NSMAF: variants seen among roughly 807,000 people sequenced by gnomAD.
NSMAF encodes neutral sphingomyelinase activation associated factor, also known as protein FAN.
In NSMAF, 90 loss-of-function variants were observed where a neutral mutation model predicts 134.9. The ratio of observed to expected loss-of-function variants is 0.67; its 90% CI spans 0.56 to 0.79. The LOEUF is 0.79. Among genes scored for constraint, NSMAF ranks in the 30% least tolerant of loss-of-function variants. The pLI is 0.00. For missense variants in NSMAF, 1,010 were observed against 1,119.0 expected (o/e 0.90, Z 1.39); for synonymous variants, 358 against 389.6 (o/e 0.92, Z 0.96).
At chr8:58,587,768 C>A (rs913462667) in intron 26 of NSMAF, 67 bp from the exon 27 acceptor site, 2 of 1,333,588 alleles carry the variant, frequency 1.5e-6, no homozygotes, top group South Asian at 2.5e-5. Context: ...CTAGTGCATT[C>A]AAGAAAAACT....
intron 9 of NSMAF, among the ~76,000 whole-genome samples, chr8:58,614,233 C>G (rs1806602705): frequency 6.6e-6 from 1 of 152,182 alleles, no homozygotes; most frequent in African/African-American, 2.4e-5. Flanking sequence ...AAGCACAGCC[C>G]AGACCTAGGA....
At chr8:58,602,828 T>G (rs558068014) in intron 13 of NSMAF, among the ~76,000 whole-genome samples, 2 of 152,358 alleles carry the variant, frequency 1.3e-5, no homozygotes, top group African/African-American at 4.8e-5. Flanking sequence ...TTTCCAAGTG[T>G]TCTATAACAA....
At chr8:58,635,657 T>C in intron 2 of NSMAF, 111 bp from the exon 3 acceptor site, 1 of 660,002 alleles carries the variant, frequency 1.5e-6, no homozygotes, top group East Asian at 2.6e-5. Context: ...TAATAAAAGA[T>C]CAATAATGCA....
intron 5 of NSMAF, among the ~76,000 whole-genome samples, chr8:58,634,509 T>G (rs1325067508): frequency 1.3e-5 from 2 of 152,142 alleles, no homozygotes; most frequent in Non-Finnish European, 2.9e-5. Context: ...ACAATTCTTC[T>G]CTGAACACTT....
rs1160735799 is a variant in NSMAF at position 58,594,306 on chromosome 8, G to A, written c.1893-16C>T. The A allele has an allele frequency of 6.2e-7, 1 of 1,611,118 alleles. No individual in the cohort carries two copies. The highest frequency in any genetic ancestry group is 1.7e-5 in the Admixed American group (1 of 59,992). ...AGTAACTGCTCTGCTCAAAAACAAA[G>A]TTTCACAAATTACTACTCATCATGT... is the stretch of plus-strand genomic sequence containing the variant. On this transcript the variant is annotated splice_polypyrimidine_tract_variant and intron_variant, in intron 22 of 30. Coordinates refer to ENST00000038176, the MANE Select transcript of NSMAF (RefSeq NM_003580.4).
At chr8:58,636,679 C>G (rs901090586) in intron 2 of NSMAF, among the ~76,000 whole-genome samples, 1 of 152,182 alleles carries the variant, frequency 6.6e-6, no homozygotes, top group African/African-American at 2.4e-5. Context: ...ATAGGGAAAG[C>G]AGCCACACAC....
chr8:58,642,123 C>A (rs908956758), intron 2 of NSMAF, among the ~76,000 whole-genome samples: 1 of 152,156 alleles, frequency 6.6e-6, no homozygotes, highest in African/African-American at 2.4e-5. Context: ...ACAAAAAAAC[C>A]AAGTGAGTTT....
intron 5 of NSMAF, among the ~76,000 whole-genome samples, chr8:58,633,672 T>C (rs968300011): frequency 6.6e-6 from 1 of 152,198 alleles, no homozygotes; most frequent in South Asian, 2.1e-4. Context: ...GTTATTCATA[T>C]AAACATGCAC....
rs532254325 is a variant in NSMAF at position 58,620,016 on chromosome 8, C to T, written c.557+3204G>A. On this transcript the variant is annotated intron_variant, in intron 9 of 30. Coordinates refer to ENST00000038176, the MANE Select transcript of NSMAF (RefSeq NM_003580.4). ...GTGGTACCAGAGACAAAGATACAGA[C>T]GAATCGCCTAAATCTCCTTGATATA... 3.9e-4 allele frequency among the ~76,000 whole-genome samples: 60 copies of T among 152,210 alleles called. No individual in the cohort carries two copies. The South Asian group carries it at 5.0e-3, about 13-fold the overall frequency.
At chr8:58,625,581 T>A (rs1319446039) in intron 6 of NSMAF, among the ~76,000 whole-genome samples, 1 of 152,218 alleles carries the variant, frequency 6.6e-6, no homozygotes, top group Non-Finnish European at 1.5e-5. Context: ...AAGCCTATCT[T>A]GTCTGATATA....
rs946146049 is a variant in NSMAF at position 58,588,594 on chromosome 8, G to A, written c.2211+858C>T. 69 of 1,405,192 alleles carry A rather than the reference G, an allele frequency of 4.9e-5. 1 individual carries two copies. The highest frequency in any genetic ancestry group is 6.7e-5 in the Non-Finnish European group (67 of 1,004,332). 87.0% of individuals were successfully genotyped at this position (1,405,192 alleles called of 1,614,324 possible). A position where few individuals can be genotyped will look rare whatever the true frequency, so the allele number is the denominator to read the frequency against. ...TGGGAAGCAAATAGGCATCAAAGAT[G>A]CTCGCTTCAGAAATGTCCCTGACTG... On this transcript the variant is annotated intron_variant, in intron 26 of 30. Coordinates refer to ENST00000038176, the MANE Select transcript of NSMAF (RefSeq NM_003580.4).
chr8:58,644,898 T>C (rs1807410359), intron 1 of NSMAF, among the ~76,000 whole-genome samples: 1 of 151,984 alleles, frequency 6.6e-6, no homozygotes, highest in Non-Finnish European at 1.5e-5. Flanking sequence ...CGCTCATAAG[T>C]GGGAGCTGAA....
In NSMAF at chr8:58,587,638, C is replaced by T. The variant is rs548206930; in HGVS notation, c.2275G>A (p.Glu759Lys). 369 of 1,614,086 alleles carry T rather than the reference C, an allele frequency of 2.3e-4. 2 individuals carry two copies. Among genetic ancestry groups the T allele is most frequent in the South Asian group, 1.4e-3 (123 of 91,070 alleles). The change falls in exon 27 of 31, where the codon GAG becomes AAG. Residue 759 changes from glutamate to lysine, a missense_variant. Transcript: ENST00000038176. The stretch of plus-strand genomic sequence containing the variant: ...CTCACACTGACATCATGTTCCAGCT[C>T]GGCCAGCAAGTCAAAGTGGTGTCTT... ...TKRHHFDLLA[E>K]LEHDVSVDTI...
In NSMAF at chr8:58,618,826, C is replaced by T. The variant is rs189899784; in HGVS notation, c.557+4394G>A. Among the ~76,000 whole-genome samples, 432 of 152,190 alleles carry T rather than the reference C, an allele frequency of 2.8e-3. 3 individuals are homozygous for T. The highest frequency in any genetic ancestry group is 9.4e-3 in the African/African-American group (389 of 41,534). On this transcript the variant is annotated intron_variant, in intron 9 of 30. Transcript: ENST00000038176. ...ACAAAAAATTATCTCCTCAGAAATA[C>T]GATGAAAGCTTATCTTAGCGGAAGT...
At chr8:58,654,490 C>T (rs538832146) in intron 1 of NSMAF, among the ~76,000 whole-genome samples, 18 of 152,138 alleles carry the variant, frequency 1.2e-4, no homozygotes, top group African/African-American at 3.1e-4. Flanking sequence ...GCGGAGTTTG[C>T]GGTGAGCCAA....
Position 58,623,227 on chromosome 8 carries a change from T to C in NSMAF, c.550A>G (p.Lys184Glu), listed in dbSNP as rs1225970984. ...QSRLARTSFD[K>E]NRFQNISEKL... ...AGATCATTAGAAACTTACCTGTTTTTGTCAAATGATGTTCTAGCTAAACGA... is the reference window on the plus strand; with the variant it reads ...AGATCATTAGAAACTTACCTGTTTTCGTCAAATGATGTTCTAGCTAAACGA... Residue 184 changes from lysine to glutamate, a missense_variant, in exon 9 of 31, where the codon AAA (lysine) becomes GAA (glutamate). Transcript: ENST00000038176. 1.2e-6 allele frequency: 2 copies of C among 1,607,566 alleles called. No individual in the cohort carries two copies. Among genetic ancestry groups the C allele is most frequent in the Non-Finnish European group, 1.7e-6 (2 of 1,175,754 alleles).
At position 58,610,563 on chromosome 8, in the gene NSMAF, G is replaced by T. The variant is rs369428390; in HGVS notation, c.558-830C>A. 5.9e-5 allele frequency among the ~76,000 whole-genome samples: 9 copies of T among 152,328 alleles called. No individual in the cohort carries two copies. In the East Asian group the frequency reaches 9.6e-4, roughly 16 times the overall value. ...ATAGCTTTTTAAAACCGACTGGAAT[G>T]TTGAGCATGTAAAGCAACCTAAATG... On this transcript the variant is annotated intron_variant, in intron 9 of 30. Coordinates refer to ENST00000038176, the MANE Select transcript of NSMAF (RefSeq NM_003580.4).
intron 1 of NSMAF, 126 bp from the exon 2 acceptor site, chr8:58,643,199 T>C: frequency 2.8e-6 from 2 of 711,604 alleles, no homozygotes; most frequent in South Asian, 3.3e-5. Context: ...TTATGAAGCA[T>C]GTATATCATG....
At chr8:58,637,249 G>A (rs879789267) in intron 2 of NSMAF, 2 of 447,474 alleles carry the variant, frequency 4.5e-6, no homozygotes, top group Non-Finnish European at 9.0e-6. Context: ...AGTATGACAG[G>A]ATGTCCCAGG....
Sources: gnomAD v4.1 joint callset for allele counts (sites outside exome capture counted in the v4.1 genomes callset) on GRCh38, gnomAD v4.1.1 for gene constraint, MANE v1.5 for transcripts, NCBI Gene and HGNC (gene_info 2026-07-23, HGNC 2026-07-21) for gene names.